Variants in RPTOR observed in about 807,000 individuals in gnomAD.
The protein encoded by RPTOR is regulatory-associated protein of mTOR.
In RPTOR, 21 loss-of-function variants were observed where a neutral mutation model predicts 169.9. That is an observed-to-expected ratio of 0.12 (90% CI 0.09 to 0.18). RPTOR has a LOEUF of 0.18. Ranked by LOEUF, RPTOR falls within the 10% of genes least tolerant of loss-of-function variation. RPTOR has a pLI of 1.00. For missense variants in RPTOR, 1,133 were observed against 1,855.9 expected, an observed-to-expected ratio of 0.61 and a Z score of 7.16; for synonymous variants, 732 against 753.2, an observed-to-expected ratio of 0.97 and a Z score of 0.46.
At chr17:80,568,817 A>G (rs1440227353) in intron 1 of RPTOR, among the ~76,000 whole-genome samples, 4 of 151,866 alleles carry the variant, frequency 2.6e-5, no homozygotes, top group South Asian at 4.2e-4. Flanking sequence ...TCTCTCATCT[A>G]TTCTTCTATA....
At chr17:80,813,756 C>T (rs551708732) in intron 7 of RPTOR, among the ~76,000 whole-genome samples, 56 of 152,284 alleles carry the variant, frequency 3.7e-4, no homozygotes, top group African/African-American at 1.3e-3. Flanking sequence ...TTCTCTACAC[C>T]GTCATTTTCA....
At chr17:80,638,406 C>G (rs1276622845) in intron 2 of RPTOR, among the ~76,000 whole-genome samples, 1 of 139,268 alleles carries the variant, frequency 7.2e-6, no homozygotes, top group African/African-American at 2.8e-5. Flanking sequence ...TTCTTTTCTT[C>G]CTTTCTTTTT....
chr17:80,915,074 C>T (rs563645167), intron 21 of RPTOR, among the ~76,000 whole-genome samples: 87 of 152,354 alleles, frequency 5.7e-4, no homozygotes, highest in African/African-American at 1.2e-3. Flanking sequence ...CTACCCATGC[C>T]GGGGTCTCCT....
intron 6 of RPTOR, among the ~76,000 whole-genome samples, chr17:80,776,860 A>G (rs979074194): frequency 6.6e-6 from 1 of 152,188 alleles, no homozygotes; most frequent in Non-Finnish European, 1.5e-5. Context: ...CCAGTATTAC[A>G]AGGCCGGAGA....
intron 28 of RPTOR, among the ~76,000 whole-genome samples, chr17:80,956,429 G>A (rs1230612491): frequency 1.3e-5 from 2 of 152,276 alleles, no homozygotes; most frequent in African/African-American, 2.4e-5. Flanking sequence ...GGCAGCCCTT[G>A]CCCCATTCTC....
At position 80,964,549 on chromosome 17, in the gene RPTOR, G is replaced by GC; in HGVS notation, c.*220dup. 1.7e-6 allele frequency: 1 copy of GC among 586,812 alleles called. No individual in the cohort carries two copies. Among genetic ancestry groups the GC allele is most frequent in the South Asian group, 2.0e-5 (1 of 49,314 alleles). 36.4% of individuals were successfully genotyped at this position (586,812 alleles called of 1,614,324 possible). On this transcript the variant is annotated 3_prime_UTR_variant, in exon 34 of 34. Coordinates refer to ENST00000306801, the MANE Select transcript of RPTOR (RefSeq NM_020761.3). ...AAGGGGAGGGCTCGGGTTGACGGTGGCTTCCCACTGAGCACCAGCATCCAG... is the reference window on the plus strand; with the variant it reads ...AAGGGGAGGGCTCGGGTTGACGGTGGCCTTCCCACTGAGCACCAGCATCCAG...
chr17:80,790,732 A>G (rs1228656794), intron 6 of RPTOR, among the ~76,000 whole-genome samples: 1 of 152,186 alleles, frequency 6.6e-6, no homozygotes. Flanking sequence ...TGCACCTGCC[A>G]TTATGTTTTT....
intron 20 of RPTOR, among the ~76,000 whole-genome samples, chr17:80,905,448 T>G (rs1265148926): frequency 6.7e-6 from 1 of 149,662 alleles, no homozygotes; most frequent in Non-Finnish European, 1.5e-5. Context: ...AAAAAAAAAT[T>G]AGCTGGGCGT....
intron 7 of RPTOR, chr17:80,801,893 C>T (rs7215319): frequency 0.21 from 31,243 of 152,150 alleles, 3,416 homozygotes; most frequent in African/African-American, 0.26. Flanking sequence ...GCCACCTCAG[C>T]GTTCCCGTGC....
At chr17:80,943,223 T>G (rs999343) in intron 25 of RPTOR, among the ~76,000 whole-genome samples, 2 of 152,058 alleles carry the variant, frequency 1.3e-5, no homozygotes, top group Non-Finnish European at 2.9e-5. Context: ...GGTGGGCGGC[T>G]TTGGCTGTGC....
At chr17:80,890,170 C>T (rs979862166) in intron 17 of RPTOR, among the ~76,000 whole-genome samples, 1 of 152,182 alleles carries the variant, frequency 6.6e-6, no homozygotes, top group South Asian at 2.1e-4. Flanking sequence ...GAATAACAGA[C>T]GTGGCCCCTG....
chr17:80,700,539 T>TAGA (rs2066080407), intron 3 of RPTOR, among the ~76,000 whole-genome samples: 2 of 93,208 alleles, frequency 2.1e-5, no homozygotes, highest in African/African-American at 3.7e-5. Flanking sequence ...GTGGTGGTGA[T>TAGA]GATGATGGTG....
chr17:80,799,297 C>T (rs1448448360), intron 7 of RPTOR, among the ~76,000 whole-genome samples: 1 of 152,226 alleles, frequency 6.6e-6, no homozygotes, highest in Non-Finnish European at 1.5e-5. Flanking sequence ...CGTGGAAACC[C>T]CACCACAACA....
At chr17:80,732,347 C>T (rs758444289) in intron 5 of RPTOR, among the ~76,000 whole-genome samples, 1 of 152,172 alleles carries the variant, frequency 6.6e-6, no homozygotes, top group Non-Finnish European at 1.5e-5. Context: ...ACCAGCACCT[C>T]CAGCTCATGC....
chr17:80,931,569 C>T (rs949278751), intron 24 of RPTOR, among the ~76,000 whole-genome samples: 3 of 152,202 alleles, frequency 2.0e-5, no homozygotes, highest in Non-Finnish European at 4.4e-5. Flanking sequence ...CTGCTCCCCA[C>T]AGAACATAAC....
At chr17:80,902,869 C>G (rs918965080) in intron 20 of RPTOR, among the ~76,000 whole-genome samples, 5 of 152,260 alleles carry the variant, frequency 3.3e-5, no homozygotes, top group Admixed American at 2.6e-4. Context: ...AACCCTGCGT[C>G]TCGGCCAGAG....
At chr17:80,945,389 A>G (rs568143832) in intron 25 of RPTOR, among the ~76,000 whole-genome samples, 19 of 152,208 alleles carry the variant, frequency 1.2e-4, no homozygotes, top group South Asian at 6.2e-4. Flanking sequence ...TCAGGAGATC[A>G]AGACCATCCT....
At chr17:80,553,891 G>A (rs1203828580) in intron 1 of RPTOR, among the ~76,000 whole-genome samples, 1 of 152,002 alleles carries the variant, frequency 6.6e-6, no homozygotes, top group African/African-American at 2.4e-5. Flanking sequence ...ACATGTGCCT[G>A]CTACCACGCC....
intron 24 of RPTOR, among the ~76,000 whole-genome samples, chr17:80,937,778 G>A (rs377183516): frequency 2.0e-5 from 3 of 152,182 alleles, no homozygotes; most frequent in African/African-American, 7.2e-5. Flanking sequence ...GCTGAGCGGC[G>A]GTCACATCCT....
Sources: allele counts gnomAD v4.1 joint callset (sites outside exome capture counted in the v4.1 genomes callset), GRCh38; gene constraint gnomAD v4.1.1; transcripts MANE v1.5; gene names NCBI Gene and HGNC (gene_info 2026-07-23, HGNC 2026-07-21).